Variants in PITRM1 observed in about 807,000 individuals in gnomAD.
PITRM1 encodes presequence protease, mitochondrial.
PITRM1 carries 100 observed loss-of-function variants against 129.9 expected under a neutral mutation model. The observed-to-expected ratio is 0.77, with a 90% confidence interval of 0.65 to 0.91. The LOEUF (loss-of-function observed/expected upper bound fraction) is 0.91, where lower values mean the gene tolerates loss of function less well. PITRM1 is among the 40% of genes least tolerant of loss of function. The pLI is 0.00. For missense variants in PITRM1, 1,471 were observed against 1,318.3 expected (o/e 1.12, Z -1.79); for synonymous variants, 591 against 508.8 (o/e 1.16, Z -2.17).
intron 23 of PITRM1, among the ~76,000 whole-genome samples, chr10:3,142,152 C>T (rs1840294127): frequency 6.6e-6 from 1 of 152,336 alleles, no homozygotes; most frequent in African/African-American, 2.4e-5. Flanking sequence ...AAACAGACAC[C>T]ACTCTTCTGC....
intron 1 of PITRM1, among the ~76,000 whole-genome samples, chr10:3,172,369 C>T (rs1044189265): frequency 2.0e-5 from 3 of 152,210 alleles, no homozygotes; most frequent in African/African-American, 4.8e-5. Flanking sequence ...GGCCTCCCAA[C>T]AAAAATGAAC....
chr10:3,138,164 TGCGTGAGCGCTGTTAGAGTCA>T (rs1839755594), intron 26 of PITRM1, 40 bp from the exon 27 acceptor site: 1 of 1,572,380 alleles, frequency 6.4e-7, no homozygotes, highest in South Asian at 1.1e-5. Context: ...GACTGGCTTC[TGCGTGAGCGCTGTTAGAGTCA>T]GCACGAGGGC....
intron 24 of PITRM1, 60 bp from the exon 25 acceptor site, chr10:3,139,109 A>C: frequency 6.9e-7 from 1 of 1,448,320 alleles, no homozygotes; most frequent in Non-Finnish European, 9.6e-7. Context: ...TTTATGACAA[A>C]CCTCTGTCGA....
chr10:3,158,919 A>G lies in PITRM1; in HGVS notation c.1131T>C (p.Asp377=), dbSNP rs756117792. The change falls in exon 10 of 27, where the codon GAT becomes GAC. Residue 377 remains aspartate, a synonymous_variant. Transcript: ENST00000224949. ...TAATCTAATCATAAACTCACCCAAC[A>G]TCAGGAGAAAAGTCTGTGCCAAGGC... The part of the protein sequence containing the change: ...ESGLGTDFSP[D]VGYNGYTREA... 2 of 1,613,068 alleles carry G rather than the reference A, an allele frequency of 1.2e-6. No individual in the cohort carries two copies. The highest frequency in any genetic ancestry group is 2.2e-5 in the South Asian group (2 of 90,882).
intron 7 of PITRM1, among the ~76,000 whole-genome samples, chr10:3,160,685 C>T (rs1314796224): frequency 2.6e-5 from 4 of 152,148 alleles, no homozygotes; most frequent in Non-Finnish European, 4.4e-5. Flanking sequence ...CTCACTGCAG[C>T]CTCAAGCAAT....
Position 3,159,035 on chromosome 10 carries a change from C to T in PITRM1, c.1015G>A (p.Asp339Asn), listed in dbSNP as rs1404264354. 8 of 1,609,308 alleles carry T rather than the reference C, an allele frequency of 5.0e-6. No individual in the cohort carries two copies. The highest frequency in any genetic ancestry group is 3.4e-5 in the Admixed American group (2 of 59,382). Residue 339 changes from aspartate to asparagine, a missense_variant, in exon 10 of 27, where the codon GAC (aspartate) becomes AAC (asparagine). Physicochemically the swap from Asp to Asn is conservative, Grantham distance 23. Coordinates refer to ENST00000224949, the MANE Select transcript of PITRM1 (RefSeq NM_014889.4). ...CTTAATGTGAAGGCTTCAAATGTGT[C>T]GGTGATGCTGCATTGAAAAAAAAAG... is the stretch of plus-strand genomic sequence containing the variant. The part of the protein sequence containing the change: ...SVSFLLPDIT[D>N]TFEAFTLSLL...
intron 1 of PITRM1, among the ~76,000 whole-genome samples, chr10:3,171,367 T>C (rs2132535867): frequency 6.7e-6 from 1 of 149,164 alleles, no homozygotes; most frequent in South Asian, 2.1e-4. Flanking sequence ...GACATTTCTG[T>C]ATGTTATGAC....
intron 11 of PITRM1, 33 bp downstream of exon 11, chr10:3,158,007 G>A (rs1017140749): frequency 6.7e-6 from 9 of 1,342,156 alleles, no homozygotes; most frequent in Admixed American, 1.7e-5. Context: ...AATGAGGAAC[G>A]AAAGCAGATT....
Position 3,163,771 on chromosome 10 carries a change from G to C in PITRM1, c.745C>G (p.Gln249Glu), listed in dbSNP as rs1286850020. 1.2e-6 allele frequency: 2 copies of C among 1,613,144 alleles called. No individual in the cohort carries two copies. Among genetic ancestry groups the C allele is most frequent in the Admixed American group, 1.7e-5 (1 of 59,856 alleles). Residue 249 changes from glutamine (Q) to glutamate (E), a missense_variant, in exon 7 of 27, where the codon CAG becomes GAG. Physicochemically the swap from Gln to Glu is conservative, Grantham distance 29. Transcript: ENST00000224949. ...PLCIPELTWE[Q>E]LKQFHATHYH... ...TGAGTGGCATGAAACTGCTTAAGCT[G>C]CTCCCATGTAAGCTCCGGGATGCAC...
At chr10:3,171,930 C>A (rs1291222163) in intron 1 of PITRM1, among the ~76,000 whole-genome samples, 4 of 152,002 alleles carry the variant, frequency 2.6e-5, no homozygotes, top group African/African-American at 4.8e-5. Context: ...TGTATCCCAC[C>A]GAAATATTTA....
Position 3,157,358 on chromosome 10 carries a change from C to A in PITRM1, c.1347+77G>T, listed in dbSNP as rs546106014. ...AGTAATCTATTTCACATAAAAATAT[C>A]AAAAAGCCAGTTAAGCTAGTAACAA... is the stretch of plus-strand genomic sequence containing the variant. On this transcript the variant is annotated intron_variant, in intron 12 of 26. Coordinates refer to ENST00000224949, the MANE Select transcript of PITRM1 (RefSeq NM_014889.4). The A allele has an allele frequency of 2.0e-5, 17 of 844,436 alleles. No individual in the cohort carries two copies. In the South Asian group the frequency reaches 3.0e-4, roughly 15 times the overall value. The allele number at this position is 844,436 out of a possible 1,614,324, so 52.3% of individuals were successfully genotyped here.
Position 3,161,351 on chromosome 10 carries a change from T to C in PITRM1, c.792-1021A>G, listed in dbSNP as rs375640508. Among the ~76,000 whole-genome samples the C allele has an allele frequency of 6.0e-4, 92 of 152,340 alleles. 1 individual carries two copies. Among genetic ancestry groups the C allele is most frequent in the South Asian group, 6.0e-3 (29 of 4,832 alleles). On this transcript the variant is annotated intron_variant, in intron 7 of 26. Coordinates refer to ENST00000224949, the MANE Select transcript of PITRM1 (RefSeq NM_014889.4). The stretch of plus-strand genomic sequence containing the variant: ...GCAACAAATTCAAGGTTATACACGT[T>C]TATAAAGATAACACATTTATTCAAC...
chr10:3,159,731 C>T, intron 9 of PITRM1, 117 bp downstream of exon 9: 1 of 605,500 alleles, frequency 1.7e-6, no homozygotes, highest in East Asian at 2.9e-5. Context: ...CACTTAACCC[C>T]TGAATCCTAA....
rs188444479 is a variant in PITRM1 at position 3,157,685 on chromosome 10, A to C, written c.1251-154T>G. On this transcript the variant is annotated intron_variant, in intron 11 of 26. Transcript: ENST00000224949. The stretch of plus-strand genomic sequence containing the variant: ...AGAGAAAGCCCATCTCTACTACACA[A>C]AAATTAGCTGGGCATGGTGGTGTGC... Among the ~76,000 whole-genome samples, 339 of 152,280 alleles carry C rather than the reference A, an allele frequency of 2.2e-3. 3 individuals are homozygous for C. Among genetic ancestry groups the C allele is most frequent in the African/African-American group, 7.7e-3 (320 of 41,556 alleles).
At chr10:3,165,621 G>C in intron 4 of PITRM1, 94 bp from the exon 5 acceptor site, 2 of 765,940 alleles carry the variant, frequency 2.6e-6, no homozygotes, top group South Asian at 1.6e-5. Flanking sequence ...TCCTAGGACA[G>C]TAAGCTGTAG....
At chr10:3,140,651 T>A in intron 24 of PITRM1, 36 bp downstream of exon 24, 1 of 1,566,268 alleles carries the variant, frequency 6.4e-7, no homozygotes, top group Non-Finnish European at 8.7e-7. Flanking sequence ...TAAAACGACG[T>A]GTGCATCCCA....
chr10:3,144,419 T>C (rs1840626517), intron 21 of PITRM1, 53 bp from the exon 22 acceptor site: 1 of 1,052,334 alleles, frequency 9.5e-7, no homozygotes, highest in South Asian at 1.4e-5. Flanking sequence ...TCACTTGAAA[T>C]ATATAAGAAG....
rs574953838 is a variant in PITRM1 at position 3,147,505 on chromosome 10, A to G, written c.2235+67T>C. On this transcript the variant is annotated intron_variant, in intron 19 of 26. Transcript: ENST00000224949. ...TGGGACATAAATTAATGTATTCCCA[A>G]AGAAATTAGTAACTCTGGAATATGT... is the stretch of plus-strand genomic sequence containing the variant. 89 of 1,494,142 alleles carry G rather than the reference A, an allele frequency of 6.0e-5. 1 individual carries two copies. In the South Asian group the frequency reaches 1.0e-3, roughly 17 times the overall value. The allele number at this position is 1,494,142 out of a possible 1,614,324, so 92.6% of individuals were successfully genotyped here.
chr10:3,138,577 G>C (rs1564378122), intron 25 of PITRM1: 2 of 602,760 alleles, frequency 3.3e-6, no homozygotes, highest in Non-Finnish European at 5.9e-6. Context: ...GCGTGAGGCT[G>C]ATGATGCTGT....
Sources: gnomAD v4.1 joint callset for allele counts (sites outside exome capture counted in the v4.1 genomes callset) on GRCh38, gnomAD v4.1.1 for gene constraint, MANE v1.5 for transcripts, NCBI Gene and HGNC (gene_info 2026-07-23, HGNC 2026-07-21) for gene names.